VWCE: variants seen among roughly 807,000 people sequenced by gnomAD.
VWCE encodes von Willebrand factor C and EGF domain-containing protein.
A neutral mutation model predicts 102.9 loss-of-function variants in VWCE; 68 were observed. That is an observed-to-expected ratio of 0.66 (90% CI 0.54 to 0.81). The LOEUF (loss-of-function observed/expected upper bound fraction) is 0.81, where lower values mean the gene tolerates loss of function less well. VWCE is among the 30% of genes least tolerant of loss of function. The probability of loss-of-function intolerance (pLI) is 0.00; values close to 1 mark genes in which losing one functional copy is unlikely to be tolerated. For synonymous variants in VWCE, 497 were observed against 515.4 expected, an observed-to-expected ratio of 0.96 and a Z score of 0.48; for missense variants, 1,137 against 1,263.6, an observed-to-expected ratio of 0.90 and a Z score of 1.52.
In VWCE at chr11:61,274,643, G is replaced by C. The variant is rs561804113; in HGVS notation, c.1496-59C>G. 10 of 1,540,860 alleles carry C rather than the reference G, an allele frequency of 6.5e-6. No individual in the cohort carries two copies. The African/African-American group carries it at 9.5e-5, about 15-fold the overall frequency. On this transcript the variant is annotated intron_variant, in intron 11 of 19. Coordinates refer to ENST00000335613, the MANE Select transcript of VWCE (RefSeq NM_152718.2). ...CTTTGGGCAGAGGCAGCTAAAGAAA[G>C]GGGGGAACAAATGGGTAGGGAGCCC...
chr11:61,278,170 GCTGT>G (rs905512140), intron 10 of VWCE, among the ~76,000 whole-genome samples: 15 of 152,168 alleles, frequency 9.9e-5, no homozygotes. Context: ...GTGCCTGCTG[GCTGT>G]CTGCTGCGGA....
chr11:61,281,248 C>CA lies in VWCE; in HGVS notation c.788-14dup. The CA allele has an allele frequency of 6.2e-7, 1 of 1,611,756 alleles. No individual in the cohort carries two copies. Among genetic ancestry groups the CA allele is most frequent in the Non-Finnish European group, 8.5e-7 (1 of 1,179,876 alleles). ...GCTTTCGGGAAAGCTGAAACAGAAG[C>CA]ACGGAGGTCTCTTGGGGTGGACAGC... is the stretch of plus-strand genomic sequence containing the variant. On this transcript the variant is annotated splice_polypyrimidine_tract_variant and intron_variant, in intron 7 of 19. Transcript: ENST00000335613.
In VWCE at chr11:61,276,621, T is replaced by TG. The variant is rs753714493; in HGVS notation, c.1466dup (p.Gln490ThrfsTer30). On this transcript the variant is annotated frameshift_variant, in exon 11 of 20. Coordinates refer to ENST00000335613, the MANE Select transcript of VWCE (RefSeq NM_152718.2). LOFTEE classifies it high-confidence loss of function. ...GAACACAAGTACAGCAATCCGTCTGTGGGGGGGTCTGACAGGGGCCAGAAG... is the reference window on the plus strand; with the variant it reads ...GAACACAAGTACAGCAATCCGTCTGTGGGGGGGGTCTGACAGGGGCCAGAAG... 38 of 1,592,370 alleles carry TG rather than the reference T, an allele frequency of 2.4e-5. No individual in the cohort carries two copies. The highest frequency in any genetic ancestry group is 1.7e-4 in the Middle Eastern group (1 of 5,956).
intron 13 of VWCE, among the ~76,000 whole-genome samples, chr11:61,272,100 T>TACAACACAGAC (rs1315957011): frequency 1.3e-5 from 2 of 150,402 alleles, no homozygotes; most frequent in Non-Finnish European, 3.0e-5. Context: ...CACACACAGA[T>TACAACACAGAC]ACAACACAGA....
chr11:61,282,506 G>A (rs150137730), intron 6 of VWCE: 40 of 340,614 alleles, frequency 1.2e-4, no homozygotes, highest in Middle Eastern at 8.1e-4. Flanking sequence ...CCAAGAAAAT[G>A]GGTGAGCAGA....
At chr11:61,279,333 G>A (rs1855041261) in intron 9 of VWCE, among the ~76,000 whole-genome samples, 1 of 152,120 alleles carries the variant, frequency 6.6e-6, no homozygotes, top group Admixed American at 6.5e-5. Flanking sequence ...ACTTTGGGAG[G>A]CCGAGGCGGG....
At chr11:61,286,461 G>T in intron 4 of VWCE, 31 bp from the exon 5 acceptor site, 1 of 1,592,906 alleles carries the variant, frequency 6.3e-7, no homozygotes. Context: ...TGTTTACACA[G>T]TGGTCCTCGC....
In VWCE at chr11:61,258,568, G is replaced by A; in HGVS notation, c.*107C>T. 8.6e-7 allele frequency: 1 copy of A among 1,167,122 alleles called. No individual in the cohort carries two copies. Among genetic ancestry groups the A allele is most frequent in the Non-Finnish European group, 1.1e-6 (1 of 908,210 alleles). 72.3% of individuals were successfully genotyped at this position (1,167,122 alleles called of 1,614,324 possible). A position where few individuals can be genotyped will look rare whatever the true frequency, so the allele number is the denominator to read the frequency against. ...CATCCTCACCAGGGCCCCTGCAGGAGGGAGCCCAGGCATCCCCACCAGGTT... is the reference window on the plus strand; with the variant it reads ...CATCCTCACCAGGGCCCCTGCAGGAAGGAGCCCAGGCATCCCCACCAGGTT... On this transcript the variant is annotated 3_prime_UTR_variant, in exon 20 of 20. Coordinates refer to ENST00000335613, the MANE Select transcript of VWCE (RefSeq NM_152718.2).
At chr11:61,292,051 C>T (rs1220243495) in intron 1 of VWCE, among the ~76,000 whole-genome samples, 1 of 152,030 alleles carries the variant, frequency 6.6e-6, no homozygotes, top group African/African-American at 2.4e-5. Context: ...GGTGAAACCT[C>T]GTTTCTACTA....
At chr11:61,274,374 T>C (rs1481477145) in intron 12 of VWCE, 125 bp downstream of exon 12, 1 of 871,080 alleles carries the variant, frequency 1.1e-6, no homozygotes, top group East Asian at 2.6e-5. Flanking sequence ...TGCCTTTGCT[T>C]CCTCAGTTTC....
chr11:61,274,629 G>A (rs777716536), intron 11 of VWCE, 45 bp from the exon 12 acceptor site: 1 of 1,593,314 alleles, frequency 6.3e-7, no homozygotes, highest in Non-Finnish European at 8.6e-7. Context: ...TTTGGGCAGA[G>A]GCAGCTAAAG....
rs1192244130 is a variant in VWCE, at chr11:61,294,999, C to A, written c.39G>T (p.Ala13=). The A allele has an allele frequency of 1.4e-6, 2 of 1,473,502 alleles. No individual in the cohort carries two copies. The highest frequency in any genetic ancestry group is 1.8e-6 in the Non-Finnish European group (2 of 1,113,696). 91.3% of individuals were successfully genotyped at this position (1,473,502 alleles called of 1,614,324 possible). A position where few individuals can be genotyped will look rare whatever the true frequency, so the allele number is the denominator to read the frequency against. ...GGGCTGGTGCCCCCGGCAGCAGGAG[C>A]GCGACACAGGCGGCCCGAAGGAGCA... ...AGLLLRAACV[A]LLLPGAPARG... The change falls in exon 1 of 20, where the codon GCG becomes GCT. Residue 13 remains alanine, a synonymous_variant. Coordinates refer to ENST00000335613, the MANE Select transcript of VWCE (RefSeq NM_152718.2). This position sits in a 1 kb window ranked among gnomAD's most constrained non-coding sequence, Gnocchi z 6.3.
chr11:61,274,534 C>T lies in VWCE; in HGVS notation c.1546G>A (p.Gly516Arg). The change falls in exon 12 of 20, where the codon GGG becomes AGG. Residue 516 changes from glycine (G) to arginine (R), a missense_variant. Coordinates refer to ENST00000335613, the MANE Select transcript of VWCE (RefSeq NM_152718.2). ...CAGGTGGTACACTCGTCACCACCCC[C>T]ACTGAACACAGCCCCGTCTGCGTAC... ...RWYADGAVFS[G>R]GGDECTTCVC... is the part of the protein sequence containing the mutation. 6.2e-7 allele frequency: 1 copy of T among 1,613,860 alleles called. No homozygotes were observed. The highest frequency in any genetic ancestry group is 8.5e-7 in the Non-Finnish European group (1 of 1,179,948).
At chr11:61,272,867 T>TAC (rs910710257) in intron 13 of VWCE, among the ~76,000 whole-genome samples, 1 of 147,308 alleles carries the variant, frequency 6.8e-6, no homozygotes, top group African/African-American at 2.5e-5. Context: ...CACAGACACA[T>TAC]ACACACACAC....
Position 61,264,541 on chromosome 11 carries a change from G to A in VWCE, c.2176C>T (p.Arg726Trp), listed in dbSNP as rs565162450. Residue 726 changes from arginine to tryptophan, a missense_variant, in exon 19 of 20, where the codon CGG becomes TGG. Coordinates refer to ENST00000335613, the MANE Select transcript of VWCE (RefSeq NM_152718.2). Reference sequence around the variant, plus strand: ...AGCAGGGCAGGGTCGGCACAGGCCCGCTGGCAGGGAACCTTCTCACAGCTC... The same window carrying A: ...AGCAGGGCAGGGTCGGCACAGGCCCACTGGCAGGGAACCTTCTCACAGCTC... ...EVSCEKVPCQ[R>W]ACADPALLPG... 5.8e-5 allele frequency: 93 copies of A among 1,612,568 alleles called. No homozygotes were observed. The highest frequency in any genetic ancestry group is 1.8e-4 in the East Asian group (8 of 44,866).
intron 4 of VWCE, among the ~76,000 whole-genome samples, chr11:61,288,489 G>A (rs1437303712): frequency 6.6e-6 from 1 of 152,034 alleles, no homozygotes; most frequent in Non-Finnish European, 1.5e-5. Flanking sequence ...CCCAACAGCT[G>A]GACCGTCAAG....
intron 16 of VWCE, 90 bp downstream of exon 16, chr11:61,267,372 G>T: frequency 7.7e-7 from 1 of 1,293,216 alleles, no homozygotes. Context: ...TTGTCTTGGA[G>T]GTCTCTGGAT....
chr11:61,281,265 G>A lies in VWCE; in HGVS notation c.788-30C>T, dbSNP rs113270928. On this transcript the variant is annotated intron_variant, in intron 7 of 19. Coordinates refer to ENST00000335613, the MANE Select transcript of VWCE (RefSeq NM_152718.2). ...AACAGAAGCACGGAGGTCTCTTGGG[G>A]TGGACAGCAGAGACAGGAGGCAGGG... 24 of 1,610,774 alleles carry A rather than the reference G, an allele frequency of 1.5e-5. 1 individual carries two copies. The African/African-American group carries it at 2.1e-4, about 14-fold the overall frequency.
chr11:61,276,998 C>G (rs9704187), intron 10 of VWCE, among the ~76,000 whole-genome samples: 14,850 of 90,736 alleles, frequency 0.16, 3,698 homozygotes, highest in African/African-American at 0.56. Flanking sequence ...GGATAGGAGA[C>G]AGAGGAAGGA....
Sources: gnomAD v4.1 joint callset for allele counts (sites outside exome capture counted in the v4.1 genomes callset) on GRCh38, gnomAD v4.1.1 for gene constraint, Gnocchi (gnomAD v3.1) non-coding constraint, MANE v1.5 for transcripts, NCBI Gene and HGNC (gene_info 2026-07-23, HGNC 2026-07-21) for gene names.